Variants in ELK3 observed in about 807,000 individuals in gnomAD.
ELK3 encodes the protein ETS transcription factor ELK3.
In ELK3, 10 loss-of-function variants were observed where a neutral mutation model predicts 28.9. The ratio of observed to expected loss-of-function variants is 0.35; its 90% CI spans 0.21 to 0.59. The LOEUF (loss-of-function observed/expected upper bound fraction) is 0.59. ELK3 is among the 20% of genes least tolerant of loss of function. ELK3 has a pLI of 0.82. For synonymous variants in ELK3, 272 were observed against 243.5 expected (o/e 1.12, Z -1.09); for missense variants, 463 against 517.3 (o/e 0.90, Z 1.02).
chr12:96,248,478 T>C (rs1038762210), intron 3 of ELK3, among the ~76,000 whole-genome samples: 14 of 152,324 alleles, frequency 9.2e-5, no homozygotes, highest in Middle Eastern at 3.4e-3. Context: ...CCCTTGAAAA[T>C]TGGATGCAAT....
At chr12:96,249,572 C>A (rs1247079564) in intron 3 of ELK3, among the ~76,000 whole-genome samples, 1 of 152,192 alleles carries the variant, frequency 6.6e-6, no homozygotes, top group Non-Finnish European at 1.5e-5. Context: ...GGTAGATGAT[C>A]TGAGCATCTC....
chr12:96,255,629 A>G (rs1349820967), intron 3 of ELK3: 1 of 152,264 alleles, frequency 6.6e-6, no homozygotes, highest in Admixed American at 6.5e-5. Flanking sequence ...TCTGAGCCAA[A>G]TATGAGTGAC....
intron 1 of ELK3, among the ~76,000 whole-genome samples, chr12:96,214,115 G>A (rs186768766): frequency 6.6e-6 from 1 of 152,096 alleles, no homozygotes; most frequent in Non-Finnish European, 1.5e-5. Flanking sequence ...TCTTTCCCAA[G>A]ATGGAAGAGT....
intron 4 of ELK3, among the ~76,000 whole-genome samples, chr12:96,261,977 G>A (rs1223340287): frequency 6.6e-6 from 1 of 150,562 alleles, no homozygotes; most frequent in Non-Finnish European, 1.5e-5. Flanking sequence ...CACTCCCAGA[G>A]TTTCTGACTC....
In ELK3 at chr12:96,258,349, T is replaced by A. The variant is rs527442335; in HGVS notation, c.1003-1382T>A. Among the ~76,000 whole-genome samples the A allele has an allele frequency of 1.2e-4, 19 of 152,338 alleles. No homozygotes were observed. The East Asian group carries it at 1.5e-3, about 12-fold the overall frequency. On this transcript the variant is annotated intron_variant, in intron 3 of 4. Transcript: ENST00000228741. ...GCCATGGAACCAACGACTCAAATAATTTGGTATAAATGTGTTTACATTTCA... is the reference window on the plus strand; with the variant it reads ...GCCATGGAACCAACGACTCAAATAAATTGGTATAAATGTGTTTACATTTCA...
chr12:96,204,130 T>C (rs899037710), intron 1 of ELK3, among the ~76,000 whole-genome samples: 1 of 152,206 alleles, frequency 6.6e-6, no homozygotes, highest in Non-Finnish European at 1.5e-5. Context: ...AGTAAAGTTA[T>C]TCGTGGGATA....
chr12:96,268,836 A>G lies in ELK3; in HGVS notation c.*1656A>G, dbSNP rs1259188694. 1 of 152,206 alleles carries G rather than the reference A, an allele frequency of 6.6e-6. No homozygotes were observed. The highest frequency in any genetic ancestry group is 2.4e-5 in the African/African-American group (1 of 41,452). The allele number at this position is 152,206 out of a possible 1,614,324, so 9.4% of individuals were successfully genotyped here. On this transcript the variant is annotated 3_prime_UTR_variant, in exon 5 of 5. Coordinates refer to ENST00000228741, the MANE Select transcript of ELK3 (RefSeq NM_005230.4). ...TCTGTATGTGGGGATGTGGGCCCTT[A>G]TCAAGGGATAAAAATCCAAACACTC...
chr12:96,201,015 A>G (rs1355045316), intron 1 of ELK3, among the ~76,000 whole-genome samples: 2 of 152,116 alleles, frequency 1.3e-5, no homozygotes, highest in Non-Finnish European at 1.5e-5. Flanking sequence ...ATCCCTGGCC[A>G]TTTACAAAAT....
chr12:96,194,891 C>CGCGGATGCTCCTGCGCCCGCGTCGCT, intron 1 of ELK3, among the ~76,000 whole-genome samples, 186 bp downstream of exon 1: 1 of 144,782 alleles, frequency 6.9e-6, no homozygotes, highest in South Asian at 2.2e-4. Flanking sequence ...GAGGGGGCGC[C>CGCGGATGCTCCTGCGCCCGCGTCGCT]GCGGATGCTC....
At chr12:96,232,520 G>A (rs1023230300) in intron 2 of ELK3, among the ~76,000 whole-genome samples, 4 of 150,376 alleles carry the variant, frequency 2.7e-5, no homozygotes, top group Non-Finnish European at 4.4e-5. Context: ...GCAGTGGGCC[G>A]AGATCACATC....
At chr12:96,218,277 A>C (rs1408656215) in intron 1 of ELK3, among the ~76,000 whole-genome samples, 2 of 152,218 alleles carry the variant, frequency 1.3e-5, no homozygotes, top group Non-Finnish European at 2.9e-5. Flanking sequence ...TCCAGAAAGT[A>C]TCAGATGTGA....
intron 2 of ELK3, among the ~76,000 whole-genome samples, chr12:96,240,837 GA>G (rs1951816019): frequency 6.6e-6 from 1 of 152,174 alleles, no homozygotes; most frequent in Non-Finnish European, 1.5e-5. Flanking sequence ...TCGCGGGGAG[GA>G]AAACGGAAGA....
In ELK3 at chr12:96,247,338, T is replaced by G. The variant is rs556978032; in HGVS notation, c.606T>G (p.Pro202=). 1.4e-4 allele frequency: 229 copies of G among 1,614,072 alleles called. No homozygotes were observed. The highest frequency in any genetic ancestry group is 1.8e-4 in the Non-Finnish European group (216 of 1,180,032). ...TCACCAGGCCGGTGGTGTCCCTGCC[T>G]TCCACGTCAGAGGCTGCGGCGGCGT... ...KHVTRPVVSL[P]STSEAAAASA... is the part of the protein sequence containing the mutation. Residue 202 remains proline, a synonymous_variant, in exon 3 of 5, where the codon CCT becomes CCG. Transcript: ENST00000228741. This position sits in a 1 kb window ranked among gnomAD's most constrained non-coding sequence, Gnocchi z 5.5.
At chr12:96,259,303 G>A (rs771557838) in intron 3 of ELK3, among the ~76,000 whole-genome samples, 18 of 152,204 alleles carry the variant, frequency 1.2e-4, no homozygotes, top group Non-Finnish European at 2.2e-4. Context: ...TGTAATCCCA[G>A]CACTTTGGGA....
intron 1 of ELK3, among the ~76,000 whole-genome samples, chr12:96,196,138 A>G (rs1951464789): frequency 6.6e-6 from 1 of 152,210 alleles, no homozygotes; most frequent in Non-Finnish European, 1.5e-5. Context: ...TAATCTCATT[A>G]GGAGTTTCCG....
chr12:96,220,266 A>C (rs1592676013), intron 1 of ELK3, among the ~76,000 whole-genome samples: 1 of 147,420 alleles, frequency 6.8e-6, no homozygotes, highest in Non-Finnish European at 1.5e-5. Context: ...CTCTCCTTCT[A>C]CCTTTGCCTG....
chr12:96,200,311 T>G (rs1039819329), intron 1 of ELK3, among the ~76,000 whole-genome samples: 3 of 152,144 alleles, frequency 2.0e-5, no homozygotes, highest in Admixed American at 6.5e-5. Context: ...TTAAGACTGA[T>G]GAAGCTAGGG....
intron 2 of ELK3, among the ~76,000 whole-genome samples, chr12:96,239,695 C>T (rs546401618): frequency 1.3e-5 from 2 of 152,334 alleles, no homozygotes; most frequent in African/African-American, 2.4e-5. Flanking sequence ...GTTCCTGCCT[C>T]GGGTCTTGCT....
chr12:96,245,431 T>A (rs1951848927), intron 2 of ELK3, among the ~76,000 whole-genome samples: 1 of 152,202 alleles, frequency 6.6e-6, no homozygotes, highest in South Asian at 2.1e-4. Context: ...CTTGTTTGTG[T>A]CAGAAGGATG....
Sources: gnomAD v4.1 joint callset for allele counts (sites outside exome capture counted in the v4.1 genomes callset) on GRCh38, gnomAD v4.1.1 for gene constraint, Gnocchi (gnomAD v3.1) non-coding constraint, MANE v1.5 for transcripts, NCBI Gene and HGNC (gene_info 2026-07-23, HGNC 2026-07-21) for gene names.